The following NRDC variants were observed in gnomAD, a reference collection of about 807,000 sequenced individuals.
NRDC encodes nardilysin convertase.
Under a neutral mutation model 147.1 loss-of-function variants are expected in NRDC, and 54 were observed. The observed-to-expected ratio is 0.37, with a 90% CI of 0.29 to 0.46. The LOEUF (loss-of-function observed/expected upper bound fraction) is 0.46, where lower values mean the gene tolerates loss of function less well. Among genes scored for constraint, NRDC ranks in the 20% least tolerant of loss-of-function variants. The probability of loss-of-function intolerance (pLI) is 1.00; values close to 1 mark genes in which losing one functional copy is unlikely to be tolerated. For missense variants in NRDC, 1,082 were observed against 1,370.6 expected (o/e 0.79, Z 3.33); for synonymous variants, 440 against 482.1 (o/e 0.91, Z 1.14).
In NRDC at chr1:51,836,232, T is replaced by C. The variant is rs765252876; in HGVS notation, c.631-20A>G. 3.7e-6 allele frequency: 6 copies of C among 1,611,234 alleles called. No homozygotes were observed. The highest frequency in any genetic ancestry group is 3.3e-5 in the Admixed American group (2 of 59,952). Reference sequence around the variant, plus strand: ...TGCAGACTGGAGTAATTAGAACACATACAAATAGTTGAGTCAACCCTAAAG... The same window carrying C: ...TGCAGACTGGAGTAATTAGAACACACACAAATAGTTGAGTCAACCCTAAAG... On this transcript the variant is annotated intron_variant, in intron 2 of 30. Transcript: ENST00000352171.
At chr1:51,845,854 A>G (rs1681534807) in intron 1 of NRDC, among the ~76,000 whole-genome samples, 2 of 152,198 alleles carry the variant, frequency 1.3e-5, no homozygotes, top group East Asian at 1.9e-4. Context: ...ATAAACAGAT[A>G]TTGAATAAAC....
At chr1:51,813,521 G>A (rs147385339) in intron 14 of NRDC, among the ~76,000 whole-genome samples, 2 of 152,146 alleles carry the variant, frequency 1.3e-5, no homozygotes, top group African/African-American at 4.8e-5. Flanking sequence ...TTTACTAGAT[G>A]CCTGGGCTCA....
At chr1:51,810,164 G>T in intron 16 of NRDC, 117 bp downstream of exon 16, 1 of 667,236 alleles carries the variant, frequency 1.5e-6, no homozygotes, top group Non-Finnish European at 2.2e-6. Context: ...ATTTCAAAGT[G>T]AACTTTTTAA....
intron 22 of NRDC, chr1:51,797,918 G>C (rs1397594130): frequency 3.4e-5 from 7 of 205,986 alleles, no homozygotes; most frequent in Non-Finnish European, 5.0e-5. Flanking sequence ...CTATAGGCAT[G>C]TGCCACCATG....
rs769816659 is a variant in NRDC at position 51,790,550 on chromosome 1, C to G, written c.3151G>C (p.Asp1051His). 2.5e-6 allele frequency: 4 copies of G among 1,613,082 alleles called. No homozygotes were observed. In the Admixed American group the frequency reaches 5.0e-5, roughly 20 times the overall value. ...CATGTTACCTCGTGGGCAAGGCGGT[C>G]AAAGAGGTACTGCTGTGTAACCACT... ...NEVVTQQYLF[D>H]RLAHEIEALK... The change falls in exon 29 of 31, where the codon GAC (aspartate) becomes CAC (histidine). Residue 1051 changes from aspartate (D) to histidine (H), a missense_variant. Transcript: ENST00000352171.
chr1:51,817,183 T>C (rs1444895332), intron 10 of NRDC, among the ~76,000 whole-genome samples: 1 of 152,248 alleles, frequency 6.6e-6, no homozygotes, highest in Admixed American at 6.5e-5. Context: ...TTTTCAACTA[T>C]GTTAGGCAAT....
At chr1:51,817,474 G>A (rs1680024871) in intron 10 of NRDC, among the ~76,000 whole-genome samples, 1 of 152,136 alleles carries the variant, frequency 6.6e-6, no homozygotes, top group African/African-American at 2.4e-5. Context: ...TTCCCAATCT[G>A]CATAAACCTG....
chr1:51,871,515 TAAAAAAAAAA>T (rs60495773), intron 1 of NRDC, among the ~76,000 whole-genome samples: 6 of 21,018 alleles, frequency 2.9e-4, no homozygotes, highest in Non-Finnish European at 4.6e-4. Flanking sequence ...ACTGGTTCAT[TAAAAAAAAAA>T]AAAAAAAAAA....
chr1:51,827,592 T>G (rs1432345520), intron 5 of NRDC, among the ~76,000 whole-genome samples: 1 of 152,156 alleles, frequency 6.6e-6, no homozygotes, highest in Non-Finnish European at 1.5e-5. Flanking sequence ...ATGAAAAAAC[T>G]AAAATCCACC....
chr1:51,815,450 G>C (rs111763834), intron 11 of NRDC, among the ~76,000 whole-genome samples: 2,063 of 152,164 alleles, frequency 0.014, 52 homozygotes, highest in African/African-American at 0.048. Context: ...AAGAAATAAT[G>C]AGACTATACC....
chr1:51,832,170 C>T (rs954996808), intron 4 of NRDC, among the ~76,000 whole-genome samples: 2 of 152,034 alleles, frequency 1.3e-5, no homozygotes, highest in Admixed American at 1.3e-4. Context: ...TCTCAGCCTC[C>T]CAAGTAGCTG....
At chr1:51,852,558 AGTT>A (rs370315119) in intron 1 of NRDC, among the ~76,000 whole-genome samples, 2 of 872 alleles carry the variant, frequency 2.3e-3, no homozygotes, top group African/African-American at 2.7e-3. Context: ...TAGTTTTAAT[AGTT>A]TTATATATTT....
At position 51,818,047 on chromosome 1, in the gene NRDC, T is replaced by A; in HGVS notation, c.1361+19A>T. 2 of 1,590,858 alleles carry A rather than the reference T, an allele frequency of 1.3e-6. No homozygotes were observed. The highest frequency in any genetic ancestry group is 1.1e-5 in the South Asian group (1 of 88,736). The stretch of plus-strand genomic sequence containing the variant: ...TCTCACTTGGTTCTAATGAAGTAAA[T>A]TTTCCCTTAAACTCTTACCTGTAAT... On this transcript the variant is annotated intron_variant, in intron 10 of 30. Transcript: ENST00000352171.
In NRDC at chr1:51,840,339, C is replaced by G; in HGVS notation, c.517G>C (p.Asp173His). Residue 173 changes from aspartate (D) to histidine (H), a missense_variant, in exon 2 of 31, where the codon GAT becomes CAT. Coordinates refer to ENST00000352171, the MANE Select transcript of NRDC (RefSeq NM_001101662.2). ...TCATCATCAAACTCATCTTCATCATCAAAACCCTCTTCATCGTCATCTTCT... is the reference window on the plus strand; with the variant it reads ...TCATCATCAAACTCATCTTCATCATGAAAACCCTCTTCATCGTCATCTTCT... ...EIEDDDEEGF[D>H]DEDEFDDEHD... The G allele has an allele frequency of 1.3e-6, 2 of 1,536,144 alleles. No individual in the cohort carries two copies. Among genetic ancestry groups the G allele is most frequent in the African/African-American group, 2.7e-5 (2 of 73,428 alleles).
In NRDC at chr1:51,860,682, C is replaced by T. The variant is rs572700121; in HGVS notation, c.341+17593G>A. On this transcript the variant is annotated intron_variant, in intron 1 of 30. Coordinates refer to ENST00000352171, the MANE Select transcript of NRDC (RefSeq NM_001101662.2). ...TCTGGGGGTGACTTTAAATCAAAAC[C>T]GAAAATATGTTTATTCACAGTATAA... is the stretch of plus-strand genomic sequence containing the variant. 7.9e-5 allele frequency among the ~76,000 whole-genome samples: 12 copies of T among 152,184 alleles called. No homozygotes were observed. The East Asian group carries it at 2.1e-3, about 27-fold the overall frequency.
chr1:51,875,769 G>C (rs1447902721), intron 1 of NRDC, among the ~76,000 whole-genome samples: 1 of 152,030 alleles, frequency 6.6e-6, no homozygotes, highest in Non-Finnish European at 1.5e-5. Context: ...GCCCAGGCTG[G>C]TCTCGAAATC....
rs1180101042 is a variant in NRDC at position 51,873,490 on chromosome 1, T to C, written c.341+4785A>G. ...ATAATATATGGAATTTTTATTTATTTATTTATTTATTTATTTATTTATTTA... is the reference window on the plus strand; with the variant it reads ...ATAATATATGGAATTTTTATTTATTCATTTATTTATTTATTTATTTATTTA... On this transcript the variant is annotated intron_variant, in intron 1 of 30. Coordinates refer to ENST00000352171, the MANE Select transcript of NRDC (RefSeq NM_001101662.2). Among the ~76,000 whole-genome samples the C allele has an allele frequency of 2.9e-5, 4 of 137,600 alleles. No individual in the cohort carries two copies. In the South Asian group the frequency reaches 7.7e-4, roughly 27 times the overall value. 90.3% of individuals were successfully genotyped at this position (137,600 alleles called of 152,430 possible). A position where few individuals can be genotyped will look rare whatever the true frequency, so the allele number is the denominator to read the frequency against.
Position 51,823,694 on chromosome 1 carries a change from G to T in NRDC, c.1129C>A (p.His377Asn). ...GATTGAACCACTAAAGTCATGTAAT[G>T]AGAAGAGTAGTAACGCATCCAGAAT... ...REFWMRYYSS[H>N]YMTLVVQSKE... is the part of the protein sequence containing the mutation. The change falls in exon 7 of 31, where the codon CAT (histidine) becomes AAT (asparagine). Residue 377 changes from histidine to asparagine, a missense_variant. Transcript: ENST00000352171. 6.2e-7 allele frequency: 1 copy of T among 1,608,846 alleles called. No homozygotes were observed. The highest frequency in any genetic ancestry group is 1.1e-5 in the South Asian group (1 of 90,750).
intron 3 of NRDC, 102 bp downstream of exon 3, chr1:51,836,029 A>G (rs1165830991): frequency 1.1e-6 from 1 of 890,476 alleles, no homozygotes; most frequent in East Asian, 2.5e-5. Flanking sequence ...TGCTAAATAT[A>G]TCATACTTCT....
Sources: allele counts gnomAD v4.1 joint callset (sites outside exome capture counted in the v4.1 genomes callset), GRCh38; gene constraint gnomAD v4.1.1; transcripts MANE v1.5; gene names NCBI Gene and HGNC (gene_info 2026-07-23, HGNC 2026-07-21).